TMEFF2: variants seen among roughly 807,000 people sequenced by gnomAD.
The protein encoded by TMEFF2 is transmembrane protein with EGF like and two follistatin like domains 2.
TMEFF2 carries 28 observed loss-of-function variants against 53.8 expected under a neutral mutation model. That is an observed-to-expected ratio of 0.52 (90% CI 0.39 to 0.71). The LOEUF (loss-of-function observed/expected upper bound fraction) is 0.71, where lower values mean the gene tolerates loss of function less well. TMEFF2 is among the 30% of genes least tolerant of loss of function. The pLI is 0.00. For synonymous variants in TMEFF2, 162 were observed against 166.3 expected (o/e 0.97, Z 0.20); for missense variants, 353 against 455.2 (o/e 0.78, Z 2.04).
Position 191,959,170 on chromosome 2 carries a change from C to T in TMEFF2, c.746-2792G>A, listed in dbSNP as rs72914351. Among the ~76,000 whole-genome samples, 208 of 152,256 alleles carry T rather than the reference C, an allele frequency of 1.4e-3. 1 individual carries two copies. Among genetic ancestry groups the T allele is most frequent in the Non-Finnish European group, 2.5e-3 (169 of 68,006 alleles). On this transcript the variant is annotated intron_variant, in intron 7 of 9. Coordinates refer to ENST00000272771, the MANE Select transcript of TMEFF2 (RefSeq NM_016192.4). ...ATTTAGACATTGATTTCTCTGTCCTCCATTTAAAAAGAGGTTTAATGTAAG... is the reference window on the plus strand; with the variant it reads ...ATTTAGACATTGATTTCTCTGTCCTTCATTTAAAAAGAGGTTTAATGTAAG...
At chr2:192,027,987 C>A (rs1324133101) in intron 5 of TMEFF2, 2 of 150,538 alleles carry the variant, frequency 1.3e-5, no homozygotes, top group Non-Finnish European at 2.9e-5. Flanking sequence ...GTGTCCCCAC[C>A]CAAATCTCAT....
chr2:191,989,005 T>C (rs927811593), intron 7 of TMEFF2, among the ~76,000 whole-genome samples: 1 of 152,174 alleles, frequency 6.6e-6, no homozygotes, highest in Non-Finnish European at 1.5e-5. Context: ...GGAAAAAATA[T>C]TCACTTTTCT....
chr2:192,120,840 G>A (rs766681004), intron 4 of TMEFF2, among the ~76,000 whole-genome samples: 18 of 151,978 alleles, frequency 1.2e-4, no homozygotes, highest in Middle Eastern at 3.4e-3. Flanking sequence ...AGGTTCAAGC[G>A]ATTCTCTTGC....
intron 4 of TMEFF2, among the ~76,000 whole-genome samples, chr2:192,116,467 T>A (rs1328071520): frequency 2.0e-5 from 3 of 151,872 alleles, no homozygotes; most frequent in Non-Finnish European, 2.9e-5. Context: ...TAAGACAGAG[T>A]AAATCACAAG....
At chr2:192,177,492 G>T (rs1407450315) in intron 4 of TMEFF2, 1 of 151,082 alleles carries the variant, frequency 6.6e-6, no homozygotes, top group African/African-American at 2.4e-5. Context: ...AACCTGATCA[G>T]TCTCTAATTT....
At chr2:192,133,830 C>T (rs1344945755) in intron 4 of TMEFF2, among the ~76,000 whole-genome samples, 2 of 152,214 alleles carry the variant, frequency 1.3e-5, no homozygotes, top group African/African-American at 4.8e-5. Flanking sequence ...ATTTCATCCT[C>T]ATCTGTTACC....
At chr2:192,076,430 G>T (rs764190112) in intron 4 of TMEFF2, among the ~76,000 whole-genome samples, 1 of 151,936 alleles carries the variant, frequency 6.6e-6, no homozygotes, top group Non-Finnish European at 1.5e-5. Flanking sequence ...TGAGAGAATC[G>T]AAGTAAAACT....
At chr2:191,964,283 T>TTC (rs1473930358) in intron 7 of TMEFF2, among the ~76,000 whole-genome samples, 29 of 149,632 alleles carry the variant, frequency 1.9e-4, no homozygotes, top group African/African-American at 6.0e-4. Context: ...TTTCTTTTCC[T>TTC]TTTCCTTCTT....
chr2:192,135,783 C>A (rs1423820019), intron 4 of TMEFF2, among the ~76,000 whole-genome samples: 5 of 151,942 alleles, frequency 3.3e-5, no homozygotes, highest in Admixed American at 3.3e-4. Flanking sequence ...AGTGAAGAGG[C>A]CCTGCCCCGC....
At chr2:192,053,209 CTCT>C (rs1397009663) in intron 5 of TMEFF2, among the ~76,000 whole-genome samples, 15 of 152,060 alleles carry the variant, frequency 9.9e-5, no homozygotes, top group South Asian at 2.1e-4. Context: ...ATTATTTTTT[CTCT>C]TCTTCTTTTA....
Position 192,087,469 on chromosome 2 carries a change from G to A in TMEFF2, c.440-29694C>T, listed in dbSNP as rs537891559. Among the ~76,000 whole-genome samples the A allele has an allele frequency of 9.2e-5, 14 of 152,150 alleles. No homozygotes were observed. In the East Asian group the frequency reaches 9.7e-4, roughly 11 times the overall value. On this transcript the variant is annotated intron_variant, in intron 4 of 9. Coordinates refer to ENST00000272771, the MANE Select transcript of TMEFF2 (RefSeq NM_016192.4). ...CAGTACAGTGAAAAATCACCTTAGG[G>A]GTAGTATTTACAGCTGCAAGAATTA... is the stretch of plus-strand genomic sequence containing the variant.
At chr2:192,146,752 A>G (rs1690259398) in intron 4 of TMEFF2, among the ~76,000 whole-genome samples, 1 of 152,082 alleles carries the variant, frequency 6.6e-6, no homozygotes, top group African/African-American at 2.4e-5. Context: ...ATACATAAAA[A>G]TACTGGCCAG....
intron 4 of TMEFF2, among the ~76,000 whole-genome samples, chr2:192,065,076 C>G (rs1462947894): frequency 6.6e-6 from 1 of 151,858 alleles, no homozygotes; most frequent in African/African-American, 2.4e-5. Flanking sequence ...CTTACCTACA[C>G]AAACCAAGAT....
At chr2:192,186,048 A>T (rs1345104640) in intron 2 of TMEFF2, among the ~76,000 whole-genome samples, 1 of 152,150 alleles carries the variant, frequency 6.6e-6, no homozygotes. Context: ...TAATCTAGAT[A>T]TTCTGCAAGT....
intron 4 of TMEFF2, among the ~76,000 whole-genome samples, chr2:192,113,949 T>C (rs1689341184): frequency 6.6e-6 from 1 of 152,092 alleles, no homozygotes. Context: ...TCTCTTTTAC[T>C]TCAAAGTGTG....
chr2:192,056,891 T>C (rs761228937), intron 5 of TMEFF2, among the ~76,000 whole-genome samples: 2 of 152,162 alleles, frequency 1.3e-5, no homozygotes, highest in African/African-American at 2.4e-5. Flanking sequence ...GAAAGTGAGC[T>C]CTTATCAGAC....
chr2:192,067,967 T>TA (rs1688204812), intron 4 of TMEFF2, among the ~76,000 whole-genome samples: 3 of 151,942 alleles, frequency 2.0e-5, no homozygotes, highest in Admixed American at 1.3e-4. Context: ...CCATGTCACT[T>TA]ACTGAAATGA....
intron 9 of TMEFF2, among the ~76,000 whole-genome samples, chr2:191,952,226 C>T (rs911315712): frequency 1.3e-5 from 2 of 152,156 alleles, no homozygotes; most frequent in African/African-American, 4.8e-5. Context: ...TGTGCTTACA[C>T]AATTCCTAGT....
At chr2:192,101,678 A>G (rs909006056) in intron 4 of TMEFF2, among the ~76,000 whole-genome samples, 1 of 152,178 alleles carries the variant, frequency 6.6e-6, no homozygotes, top group East Asian at 1.9e-4. Context: ...TCATTTGTAC[A>G]TATGTTGAAT....
Sources: allele counts gnomAD v4.1 joint callset (sites outside exome capture counted in the v4.1 genomes callset), GRCh38; gene constraint gnomAD v4.1.1; transcripts MANE v1.5; gene names NCBI Gene and HGNC (gene_info 2026-07-23, HGNC 2026-07-21).